The following NCAM2 variants were observed in gnomAD, a reference collection of about 807,000 sequenced individuals.
NCAM2 encodes neural cell adhesion molecule 2.
A neutral mutation model predicts 98.1 loss-of-function variants in NCAM2; 30 were observed. That is an observed-to-expected ratio of 0.31 (90% CI 0.23 to 0.41). NCAM2 has a LOEUF of 0.41. Among genes scored for constraint, NCAM2 ranks in the 10% least tolerant of loss-of-function variants. The pLI is 1.00. For synonymous variants in NCAM2, 368 were observed against 342.4 expected (o/e 1.07, Z -0.83); for missense variants, 867 against 1,005.8 (o/e 0.86, Z 1.87).
chr21:21,316,425 A>G (rs2074220317), intron 5 of NCAM2, among the ~76,000 whole-genome samples: 1 of 151,882 alleles, frequency 6.6e-6, no homozygotes, highest in Non-Finnish European at 1.5e-5. Context: ...ACCAGATCAT[A>G]TATTTATTTT....
At chr21:21,473,167 A>C (rs543772373) in intron 14 of NCAM2, among the ~76,000 whole-genome samples, 1 of 151,166 alleles carries the variant, frequency 6.6e-6, no homozygotes, top group East Asian at 1.9e-4. Flanking sequence ...TTGTGCCTCT[A>C]CCCAGGACAG....
chr21:21,353,198 C>A lies in NCAM2; in HGVS notation c.1044+14664C>A, dbSNP rs117879859. Among the ~76,000 whole-genome samples, 712 of 152,256 alleles carry A rather than the reference C, an allele frequency of 4.7e-3. 1 individual carries two copies. The highest frequency in any genetic ancestry group is 6.9e-3 in the Non-Finnish European group (472 of 68,018). On this transcript the variant is annotated intron_variant, in intron 8 of 17. Coordinates refer to ENST00000400546, the MANE Select transcript of NCAM2 (RefSeq NM_004540.5). ...GAATATGTTAACTCCGTTTCAATGA[C>A]TGCTGTCACACAAGAGACTAGATAA...
intron 1 of NCAM2, among the ~76,000 whole-genome samples, chr21:21,041,947 G>T (rs1426440099): frequency 1.3e-5 from 2 of 152,134 alleles, no homozygotes; most frequent in Non-Finnish European, 2.9e-5. Flanking sequence ...CTAAGATGGA[G>T]AAATATGGAC....
chr21:21,464,041 G>A (rs184975432), intron 12 of NCAM2, among the ~76,000 whole-genome samples: 1 of 151,984 alleles, frequency 6.6e-6, no homozygotes, highest in African/African-American at 2.4e-5. Context: ...ATTTATGTAG[G>A]ATTTTATTTG....
chr21:21,395,909 C>T lies in NCAM2; in HGVS notation c.1196-14365C>T, dbSNP rs1044790053. Among the ~76,000 whole-genome samples, 5 of 152,072 alleles carry T rather than the reference C, an allele frequency of 3.3e-5. No homozygotes were observed. The South Asian group carries it at 1.0e-3, about 32-fold the overall frequency. On this transcript the variant is annotated intron_variant, in intron 9 of 17. Transcript: ENST00000400546. ...ATCTAAGTCCTGAAACCATAAAAATCCTAGAAGATAACATGGGAAAAATCC... is the reference window on the plus strand; with the variant it reads ...ATCTAAGTCCTGAAACCATAAAAATTCTAGAAGATAACATGGGAAAAATCC...
intron 1 of NCAM2, among the ~76,000 whole-genome samples, chr21:21,104,452 A>C (rs2066305192): frequency 6.6e-6 from 1 of 152,176 alleles, no homozygotes; most frequent in Non-Finnish European, 1.5e-5. Context: ...TCTACTTCAT[A>C]CTTGTTATCT....
chr21:21,435,138 G>A (rs2077440074), intron 12 of NCAM2, among the ~76,000 whole-genome samples: 2 of 152,148 alleles, frequency 1.3e-5, no homozygotes, highest in African/African-American at 4.8e-5. Flanking sequence ...TTTTAAGTGT[G>A]AATGTCACCC....
At chr21:21,242,236 A>G (rs1483238045) in intron 1 of NCAM2, among the ~76,000 whole-genome samples, 4 of 43,714 alleles carry the variant, frequency 9.2e-5, no homozygotes, top group Non-Finnish European at 1.8e-4. Context: ...ATAATTGTAT[A>G]TATTTATGTG....
chr21:21,251,867 C>T (rs1190713476), intron 1 of NCAM2, among the ~76,000 whole-genome samples: 1 of 151,712 alleles, frequency 6.6e-6, no homozygotes, highest in East Asian at 1.9e-4. Context: ...CACTCTGATG[C>T]TAGTTCCTTA....
chr21:21,291,898 GA>G (rs10547647), intron 4 of NCAM2, among the ~76,000 whole-genome samples: 6,474 of 145,920 alleles, frequency 0.044, 173 homozygotes, highest in East Asian at 0.14. Context: ...ATTCTTTTAG[GA>G]AAAAAAAAAA....
At chr21:21,305,574 A>G (rs564116755) in intron 5 of NCAM2, among the ~76,000 whole-genome samples, 1 of 120,808 alleles carries the variant, frequency 8.3e-6, no homozygotes, top group Non-Finnish European at 1.7e-5. Context: ...CAGGTTGAGA[A>G]ACTGACCTTT....
intron 9 of NCAM2, among the ~76,000 whole-genome samples, chr21:21,393,167 T>C (rs1352793555): frequency 6.6e-6 from 1 of 152,218 alleles, no homozygotes; most frequent in African/African-American, 2.4e-5. Context: ...TGCATATGGC[T>C]AGCCAGTTAT....
chr21:21,011,336 C>T (rs1369417735), intron 1 of NCAM2, among the ~76,000 whole-genome samples: 4 of 152,068 alleles, frequency 2.6e-5, no homozygotes, highest in South Asian at 4.1e-4. Context: ...GCTCATTTCA[C>T]TGATGGAAAC....
At chr21:21,149,623 G>A (rs1234308574) in intron 1 of NCAM2, among the ~76,000 whole-genome samples, 1 of 151,670 alleles carries the variant, frequency 6.6e-6, no homozygotes, top group East Asian at 1.9e-4. Flanking sequence ...GTGCCCATGT[G>A]TTCTCATTTT....
chr21:21,501,774 A>C (rs1261011620), intron 15 of NCAM2, among the ~76,000 whole-genome samples: 1 of 151,938 alleles, frequency 6.6e-6, no homozygotes, highest in Non-Finnish European at 1.5e-5. Context: ...AACAAGACTA[A>C]TTGACTGTGT....
intron 1 of NCAM2, among the ~76,000 whole-genome samples, chr21:21,217,867 G>A (rs1016817633): frequency 1.3e-5 from 2 of 152,188 alleles, no homozygotes; most frequent in Admixed American, 1.3e-4. Flanking sequence ...ACCGAAAACA[G>A]GATGGAGGTG....
rs1290090904 is a variant in NCAM2 at position 21,338,463 on chromosome 21, G to A, written c.973G>A (p.Glu325Lys). The A allele has an allele frequency of 2.5e-6, 4 of 1,612,930 alleles. No homozygotes were observed. In the South Asian group the frequency reaches 3.3e-5, roughly 13 times the overall value. ...NGQVTLVCDAEGEPIPEITWK... is the reference protein window; with the variant it reads ...NGQVTLVCDAKGEPIPEITWK... ...TCAAGTCACACTCGTATGTGATGCG[G>A]AAGGGGAGCCTATTCCAGAAATCAC... Residue 325 changes from glutamate to lysine, a missense_variant, in exon 8 of 18, where the codon GAA (glutamate) becomes AAA (lysine). Physicochemically the swap from Glu to Lys is moderately conservative, Grantham distance 56. Transcript: ENST00000400546.
intron 5 of NCAM2, among the ~76,000 whole-genome samples, chr21:21,319,495 G>A (rs1271746304): frequency 6.6e-6 from 1 of 152,120 alleles, no homozygotes; most frequent in Middle Eastern, 3.2e-3. Flanking sequence ...ACAAAAATTA[G>A]CTGGGCATGA....
chr21:21,317,082 A>G lies in NCAM2; in HGVS notation c.620-7301A>G, dbSNP rs574452075. 1.1e-4 allele frequency among the ~76,000 whole-genome samples: 17 copies of G among 152,306 alleles called. No homozygotes were observed. In the East Asian group the frequency reaches 3.1e-3, roughly 28 times the overall value. On this transcript the variant is annotated intron_variant, in intron 5 of 17. Transcript: ENST00000400546. Reference sequence around the variant, plus strand: ...AAGGGCAATACAAGACACCAAGCCCACAGCTGCCCTTCTACCTTCTGAGAG... The same window carrying G: ...AAGGGCAATACAAGACACCAAGCCCGCAGCTGCCCTTCTACCTTCTGAGAG...
Sources: allele counts gnomAD v4.1 joint callset (sites outside exome capture counted in the v4.1 genomes callset), GRCh38; gene constraint gnomAD v4.1.1; transcripts MANE v1.5; gene names NCBI Gene and HGNC (gene_info 2026-07-23, HGNC 2026-07-21).